TCF4: variants seen among roughly 807,000 people sequenced by gnomAD.
The protein encoded by TCF4 is transcription factor 4.
A neutral mutation model predicts 82.1 loss-of-function variants in TCF4; 3 were observed. The observed-to-expected ratio is 0.04, with a 90% CI of 0.02 to 0.09. The LOEUF (loss-of-function observed/expected upper bound fraction) is 0.09. Ranked by LOEUF, TCF4 falls within the 10% of genes least tolerant of loss-of-function variation. TCF4 has a pLI of 1.00. For synonymous variants in TCF4, 276 were observed against 309.6 expected (o/e 0.89, Z 1.14); for missense variants, 518 against 852.7 (o/e 0.61, Z 4.89).
intron 10 of TCF4, among the ~76,000 whole-genome samples, chr18:55,270,925 A>G (rs2145987193): frequency 6.6e-6 from 1 of 152,272 alleles, no homozygotes; most frequent in Middle Eastern, 3.4e-3. Flanking sequence ...CAATATATTA[A>G]AGCTAAAATA....
At chr18:55,510,781 A>G (rs1008872299) in intron 3 of TCF4, 7 of 1,243,128 alleles carry the variant, frequency 5.6e-6, no homozygotes, top group African/African-American at 1.5e-5. Context: ...ATGACCGTAG[A>G]TTTTAATTTA....
intron 8 of TCF4, among the ~76,000 whole-genome samples, chr18:55,330,899 T>C (rs1480879453): frequency 1.3e-5 from 2 of 152,234 alleles, no homozygotes; most frequent in Non-Finnish European, 2.9e-5. Context: ...GCATAAGTTC[T>C]AGCTTTGTCT....
intron 3 of TCF4, chr18:55,550,723 C>T (rs1159515441): frequency 6.6e-6 from 1 of 152,188 alleles, no homozygotes; most frequent in Non-Finnish European, 1.5e-5. Flanking sequence ...ATGTCCTCCT[C>T]TTCTTAAATC....
chr18:55,406,606 A>G (rs1569406083), intron 5 of TCF4, among the ~76,000 whole-genome samples: 1 of 152,164 alleles, frequency 6.6e-6, no homozygotes, highest in East Asian at 1.9e-4. Context: ...TTAAGTAACT[A>G]TCTGTGCTCA....
intron 3 of TCF4, among the ~76,000 whole-genome samples, chr18:55,501,636 T>C (rs925884320): frequency 6.6e-6 from 1 of 151,976 alleles, no homozygotes; most frequent in African/African-American, 2.4e-5. Flanking sequence ...CACATTTTAC[T>C]GTAGTGAAAT....
chr18:55,353,001 C>G (rs188924018), intron 6 of TCF4, among the ~76,000 whole-genome samples: 168 of 152,270 alleles, frequency 1.1e-3, no homozygotes, highest in African/African-American at 3.9e-3. Flanking sequence ...CAAATCACCC[C>G]TATTTCTTCA....
chr18:55,358,947 G>A (rs1281152643), intron 6 of TCF4, among the ~76,000 whole-genome samples: 2 of 152,082 alleles, frequency 1.3e-5, no homozygotes, highest in Non-Finnish European at 2.9e-5. Flanking sequence ...ACTTACTGAG[G>A]CTTAATTGTA....
intron 3 of TCF4, among the ~76,000 whole-genome samples, chr18:55,501,986 G>A (rs1780117252): frequency 6.6e-6 from 1 of 152,154 alleles, no homozygotes; most frequent in South Asian, 2.1e-4. Flanking sequence ...ACATTTTACA[G>A]GCTGTAACAA....
At chr18:55,254,077 G>GTAGAAAAACTGCAACAGTCATGC (rs2056084916) in intron 15 of TCF4, among the ~76,000 whole-genome samples, 1 of 152,174 alleles carries the variant, frequency 6.6e-6, no homozygotes, top group Non-Finnish European at 1.5e-5. Context: ...GTGGCAAACT[G>GTAGAAAAACTGCAACAGTCATGC]TAGAAAAACT....
chr18:55,513,756 T>C (rs1458299715), intron 3 of TCF4, among the ~76,000 whole-genome samples: 2 of 152,164 alleles, frequency 1.3e-5, no homozygotes, highest in Admixed American at 6.5e-5. Flanking sequence ...TCAGAACATA[T>C]ATAATTTGTT....
chr18:55,299,960 C>T (rs1484030186), intron 8 of TCF4, among the ~76,000 whole-genome samples: 1 of 152,056 alleles, frequency 6.6e-6, no homozygotes, highest in Non-Finnish European at 1.5e-5. Context: ...CTTGCTTTTC[C>T]ATCATCTTAT....
intron 5 of TCF4, among the ~76,000 whole-genome samples, chr18:55,448,476 C>T (rs955205207): frequency 5.9e-5 from 9 of 152,216 alleles, no homozygotes; most frequent in Non-Finnish European, 7.3e-5. Flanking sequence ...ATGTCTTGAA[C>T]GGCTAAATGG....
chr18:55,595,330 G>A (rs377067975), intron 2 of TCF4, among the ~76,000 whole-genome samples: 7 of 152,150 alleles, frequency 4.6e-5, no homozygotes, highest in Non-Finnish European at 5.9e-5. Context: ...TCAACACCTT[G>A]TACCATTATT....
At chr18:55,362,415 AAGGAAGGAAGGAAGGAAGG>A (rs1329496808) in intron 6 of TCF4, among the ~76,000 whole-genome samples, 2 of 139,726 alleles carry the variant, frequency 1.4e-5, no homozygotes, top group African/African-American at 5.4e-5. Context: ...GGAAGGAAGG[AAGGAAGGAAGGAAGGAAGG>A]AAAAAAAAAA....
intron 5 of TCF4, among the ~76,000 whole-genome samples, chr18:55,405,088 A>C (rs2043962): frequency 0.91 from 138,734 of 152,312 alleles, 63,368 homozygotes; most frequent in East Asian, 1. Flanking sequence ...AGAAAAGATA[A>C]ATTTATACTT....
At chr18:55,456,067 G>C (rs1457260389) in intron 5 of TCF4, among the ~76,000 whole-genome samples, 2 of 152,154 alleles carry the variant, frequency 1.3e-5, no homozygotes, top group Non-Finnish European at 2.9e-5. Flanking sequence ...CTAAACTCAG[G>C]GTAGCCATAA....
At position 55,293,931 on chromosome 18, in the gene TCF4, C is replaced by CTTTTTTTTTTTTTTTTTTT. The variant is rs781150808; in HGVS notation, c.550-14294_550-14276dup. ...TTTCATCTTCTAAACTTTCCAAGGACTTTTTTTTTTTTTTTTTTTTTTTTT... is the reference window on the plus strand; with the variant it reads ...TTTCATCTTCTAAACTTTCCAAGGACTTTTTTTTTTTTTTTTTTTTTTTTTTTTTTTTTTTTTTTTTTTT... On this transcript the variant is annotated intron_variant, in intron 8 of 19. Coordinates refer to ENST00000354452, the MANE Select transcript of TCF4 (RefSeq NM_001083962.2). 3.2e-4 allele frequency among the ~76,000 whole-genome samples: 13 copies of CTTTTTTTTTTTTTTTTTTT among 40,056 alleles called. 4 individuals are homozygous for CTTTTTTTTTTTTTTTTTTT. The highest frequency in any genetic ancestry group is 2.8e-3 in the East Asian group (2 of 710). 26.3% of individuals were successfully genotyped at this position (40,056 alleles called of 152,430 possible). A position where few individuals can be genotyped will look rare whatever the true frequency, so the allele number is the denominator to read the frequency against.
intron 3 of TCF4, among the ~76,000 whole-genome samples, chr18:55,473,256 C>T (rs977730727): frequency 1.3e-5 from 2 of 152,092 alleles, no homozygotes; most frequent in African/African-American, 4.8e-5. Flanking sequence ...GAAGGGGAGG[C>T]TGGCTTAATT....
At chr18:55,552,180 G>A (rs2097265866) in intron 3 of TCF4, among the ~76,000 whole-genome samples, 2 of 152,116 alleles carry the variant, frequency 1.3e-5, no homozygotes, top group Non-Finnish European at 1.5e-5. Flanking sequence ...TGCTTCATGA[G>A]GTCAGGTACT....
Sources: allele counts gnomAD v4.1 joint callset (sites outside exome capture counted in the v4.1 genomes callset), GRCh38; gene constraint gnomAD v4.1.1; transcripts MANE v1.5; gene names NCBI Gene and HGNC (gene_info 2026-07-23, HGNC 2026-07-21).